Variants in ASPHD2 observed in about 807,000 individuals in gnomAD.
ASPHD2 encodes aspartate beta-hydroxylase domain containing 2, also known as aspartate beta-hydroxylase domain-containing protein 2.
A neutral mutation model predicts 34.6 loss-of-function variants in ASPHD2; 12 were observed. The ratio of observed to expected loss-of-function variants is 0.35; its 90% CI spans 0.22 to 0.56. The LOEUF is 0.56. Ranked by LOEUF, ASPHD2 falls within the 20% of genes least tolerant of loss-of-function variation. The probability of loss-of-function intolerance (pLI) is 0.87; values close to 1 mark genes in which losing one functional copy is unlikely to be tolerated. For synonymous variants in ASPHD2, 224 were observed against 212.2 expected (o/e 1.06, Z -0.48); for missense variants, 375 against 505.0 (o/e 0.74, Z 2.47).
chr22:26,438,582 C>CACATACATAT (rs2084813093), intron 2 of ASPHD2, among the ~76,000 whole-genome samples: 1 of 137,752 alleles, frequency 7.3e-6, no homozygotes, highest in South Asian at 2.4e-4. Flanking sequence ...CATATATATA[C>CACATACATAT]ATACATATAT....
chr22:26,430,612 C>T (rs1433484017), intron 1 of ASPHD2, among the ~76,000 whole-genome samples: 5 of 152,218 alleles, frequency 3.3e-5, no homozygotes, highest in African/African-American at 1.2e-4. Context: ...CACTAGGTAG[C>T]TGTGAGGATC....
rs768237466 is a variant in ASPHD2, at chr22:26,433,596, T to TC, written c.-13dup. The TC allele has an allele frequency of 2.1e-5, 33 of 1,592,874 alleles. No individual in the cohort carries two copies. The highest frequency in any genetic ancestry group is 1.8e-5 in the Admixed American group (1 of 55,490). On this transcript the variant is annotated 5_prime_UTR_variant, in exon 2 of 4. The change creates a premature stop within an existing upstream ORF in the 5' untranslated region. Transcript: ENST00000215906. This position sits in a 1 kb window ranked among gnomAD's most constrained non-coding sequence, Gnocchi z 5.1. ...GCCTCCCCCTGCCCCAGCCGCTCCT[T>TC]CCCCCCCACGCTAATCTGCATGGTG...
rs2084769478 is a variant in ASPHD2, at chr22:26,433,534, C to G, written c.-82C>G. The G allele has an allele frequency of 9.4e-7, 1 of 1,062,368 alleles. No individual in the cohort carries two copies. The highest frequency in any genetic ancestry group is 1.4e-6 in the Non-Finnish European group (1 of 724,644). 65.8% of individuals were successfully genotyped at this position (1,062,368 alleles called of 1,614,324 possible). On this transcript the variant is annotated 5_prime_UTR_variant, in exon 2 of 4. Coordinates refer to ENST00000215906, the MANE Select transcript of ASPHD2 (RefSeq NM_020437.5). This position sits in a 1 kb window ranked among gnomAD's most constrained non-coding sequence, Gnocchi z 5.1. ...CGGCCAACCTTGTCGTTCATCAATG[C>G]CGCCCCTGGCAGTATCTGAGGATCG...
Position 26,433,353 on chromosome 22 carries a change from A to T in ASPHD2, c.-224-39A>T. 1 of 516,126 alleles carries T rather than the reference A, an allele frequency of 1.9e-6. No individual in the cohort carries two copies. The highest frequency in any genetic ancestry group is 3.4e-6 in the Non-Finnish European group (1 of 293,824). 32.0% of individuals were successfully genotyped at this position (516,126 alleles called of 1,614,324 possible). ...TTACATTTCAGTTGAGGACTTTTCC[A>T]GGTGTAAAATTTATGCTGATTTTTT... On this transcript the variant is annotated intron_variant, in intron 1 of 3. Transcript: ENST00000215906. This position sits in a 1 kb window ranked among gnomAD's most constrained non-coding sequence, Gnocchi z 5.1.
At position 26,443,242 on chromosome 22, in the gene ASPHD2, G is replaced by A. The variant is rs577698732; in HGVS notation, c.*36G>A. 4.8e-5 allele frequency: 75 copies of A among 1,565,444 alleles called. 1 individual carries two copies. The South Asian group carries it at 7.8e-4, about 16-fold the overall frequency. On this transcript the variant is annotated 3_prime_UTR_variant, in exon 4 of 4. Coordinates refer to ENST00000215906, the MANE Select transcript of ASPHD2 (RefSeq NM_020437.5). Reference sequence around the variant, plus strand: ...CATGCTGGAGTCGGCGAGAAGGGCCGAGGCGGGGCCTGGGCAGACTGTGGT... The same window carrying A: ...CATGCTGGAGTCGGCGAGAAGGGCCAAGGCGGGGCCTGGGCAGACTGTGGT...
chr22:26,442,529 C>A lies in ASPHD2; in HGVS notation c.957C>A (p.Cys319Ter). The A allele has an allele frequency of 1.2e-6, 2 of 1,611,680 alleles. No individual in the cohort carries two copies. Among genetic ancestry groups the A allele is most frequent in the Non-Finnish European group, 1.7e-6 (2 of 1,178,860 alleles). Residue 319 changes from cysteine (C) to a stop codon, truncating the protein, a stop_gained, in exon 3 of 4, where the codon TGC becomes TGA. Transcript: ENST00000215906. LOFTEE classifies it high-confidence loss of function. ...CCCAGTGCTGGGCAGAAGGGCGCTG[C>A]CTTCTCTTTGATGACTCTTTCCTGC... The part of the protein sequence containing the change: ...GEPQCWAEGR[C>*]LLFDDSFLHA...
In ASPHD2 at chr22:26,433,475, C is replaced by T; in HGVS notation, c.-141C>T. On this transcript the variant is annotated 5_prime_UTR_variant, in exon 2 of 4. Transcript: ENST00000215906. The surrounding 1 kb of genome is among the most constrained non-coding windows in gnomAD (Gnocchi z 5.1). ...AAAACCAGCCTCTTCCACCCCACTG[C>T]AGTGACTTTTGCCGGAAAGTGGAGC... The T allele has an allele frequency of 1.5e-6, 1 of 646,892 alleles. No individual in the cohort carries two copies. The highest frequency in any genetic ancestry group is 1.8e-5 in the African/African-American group (1 of 54,750). The allele number at this position is 646,892 out of a possible 1,614,324, so 40.1% of individuals were successfully genotyped here.
In ASPHD2 at chr22:26,443,083, TC is replaced by T. The variant is rs769413595; in HGVS notation, c.1001-12del. 3.9e-5 allele frequency: 62 copies of T among 1,606,392 alleles called. No individual in the cohort carries two copies. Among genetic ancestry groups the T allele is most frequent in the Non-Finnish European group, 5.1e-5 (60 of 1,173,076 alleles). On this transcript the variant is annotated splice_polypyrimidine_tract_variant and intron_variant, in intron 3 of 3. Transcript: ENST00000215906. ...TGGTTTGAACCTGTCCTCTCACCCC[TC>T]CTTCCCCCCCAGGTTCAGCAGAGGA... is the stretch of plus-strand genomic sequence containing the variant.
chr22:26,440,921 G>A (rs1218372807), intron 2 of ASPHD2, among the ~76,000 whole-genome samples: 2 of 152,230 alleles, frequency 1.3e-5, no homozygotes, highest in Admixed American at 6.5e-5. Context: ...GGGTCCCCTG[G>A]TTAGGCTTCA....
intron 2 of ASPHD2, among the ~76,000 whole-genome samples, chr22:26,437,041 C>T (rs982039995): frequency 6.6e-6 from 1 of 152,170 alleles, no homozygotes; most frequent in Non-Finnish European, 1.5e-5. Flanking sequence ...AGGCGAGCTC[C>T]CTGGTTGGGT....
chr22:26,438,514 T>TACATATATACACAA (rs1407889262), intron 2 of ASPHD2, among the ~76,000 whole-genome samples: 1 of 127,312 alleles, frequency 7.9e-6, no homozygotes, highest in Admixed American at 7.7e-5. Context: ...TATATATACA[T>TACATATATACACAA]ACATATATAT....
rs142309739 is a variant in ASPHD2, at chr22:26,443,092, C to G, written c.1001-5C>G. On this transcript the variant is annotated splice_region_variant and splice_polypyrimidine_tract_variant and intron_variant, in intron 3 of 3. Coordinates refer to ENST00000215906, the MANE Select transcript of ASPHD2 (RefSeq NM_020437.5). ...CCTGTCCTCTCACCCCTCCTTCCCCCCCAGGTTCAGCAGAGGATGGCCCAC... is the reference window on the plus strand; with the variant it reads ...CCTGTCCTCTCACCCCTCCTTCCCCGCCAGGTTCAGCAGAGGATGGCCCAC... The G allele has an allele frequency of 3.5e-3, 5,607 of 1,611,820 alleles. 85 individuals carry two copies. Among genetic ancestry groups the G allele is most frequent in the South Asian group, 0.03 (2,718 of 91,038 alleles).
chr22:26,434,515 A>G lies in ASPHD2; in HGVS notation c.886+14A>G. The G allele has an allele frequency of 6.4e-7, 1 of 1,554,900 alleles. No homozygotes were observed. The highest frequency in any genetic ancestry group is 8.7e-7 in the Non-Finnish European group (1 of 1,148,202). On this transcript the variant is annotated intron_variant, in intron 2 of 3. Coordinates refer to ENST00000215906, the MANE Select transcript of ASPHD2 (RefSeq NM_020437.5). ...GATGCCATTTAGGTATGTTGCAAGGACAGGGGTCTCCCGGCATGCACATTT... is the reference window on the plus strand; with the variant it reads ...GATGCCATTTAGGTATGTTGCAAGGGCAGGGGTCTCCCGGCATGCACATTT...
intron 2 of ASPHD2, among the ~76,000 whole-genome samples, chr22:26,440,245 C>T (rs1178544981): frequency 6.6e-6 from 1 of 151,770 alleles, no homozygotes; most frequent in African/African-American, 2.4e-5. Context: ...GAGGGTCACA[C>T]ATGGCAGTGT....
At chr22:26,431,428 A>C (rs1018120169) in intron 1 of ASPHD2, among the ~76,000 whole-genome samples, 14 of 151,972 alleles carry the variant, frequency 9.2e-5, no homozygotes, top group Non-Finnish European at 1.8e-4. Flanking sequence ...AAAAAAAAAA[A>C]AAAACAAAAG....
In ASPHD2 at chr22:26,443,090, C is replaced by T. The variant is rs752737178; in HGVS notation, c.1001-7C>T. On this transcript the variant is annotated splice_region_variant and splice_polypyrimidine_tract_variant and intron_variant, in intron 3 of 3. Transcript: ENST00000215906. ...AACCTGTCCTCTCACCCCTCCTTCC[C>T]CCCCAGGTTCAGCAGAGGATGGCCC... 6.8e-6 allele frequency: 11 copies of T among 1,610,490 alleles called. No individual in the cohort carries two copies. Among genetic ancestry groups the T allele is most frequent in the Non-Finnish European group, 9.3e-6 (11 of 1,176,800 alleles).
In ASPHD2 at chr22:26,429,970, TCCC is replaced by T. The variant is rs2084746802; in HGVS notation, c.-225+485_-225+487del. 2.0e-5 allele frequency among the ~76,000 whole-genome samples: 3 copies of T among 151,932 alleles called. No individual in the cohort carries two copies. Among genetic ancestry groups the T allele is most frequent in the Non-Finnish European group, 4.4e-5 (3 of 67,946 alleles). ...CCGGGCAACACTCACCTTTCCATCG[TCCC>T]ATCCCCCTCCTCCCCTGACCTCCTG... On this transcript the variant is annotated intron_variant, in intron 1 of 3. Coordinates refer to ENST00000215906, the MANE Select transcript of ASPHD2 (RefSeq NM_020437.5). This position sits in a 1 kb window ranked among gnomAD's most constrained non-coding sequence, Gnocchi z 4.5.
At position 26,439,398 on chromosome 22, in the gene ASPHD2, C is replaced by CA. The variant is rs201318238; in HGVS notation, c.887-3053dup. Among the ~76,000 whole-genome samples the CA allele has an allele frequency of 5.8e-3, 878 of 151,538 alleles. 10 individuals are homozygous for CA. Among genetic ancestry groups the CA allele is most frequent in the African/African-American group, 0.02 (817 of 41,302 alleles). On this transcript the variant is annotated intron_variant, in intron 2 of 3. Transcript: ENST00000215906. The stretch of plus-strand genomic sequence containing the variant: ...TGGGCGACAGAGCACGATTCTGTCT[C>CA]AAAAAAAATAATAATAAATAAAGAA...
rs1442198456 is a variant in ASPHD2 at position 26,444,334 on chromosome 22, C to T, written c.*1128C>T. On this transcript the variant is annotated 3_prime_UTR_variant, in exon 4 of 4. Transcript: ENST00000215906. Reference sequence around the variant, plus strand: ...CTTTGTCATGGCACAAAGGTGTGCACTGCGTGACAATGACCCAAGCCAGTG... The same window carrying T: ...CTTTGTCATGGCACAAAGGTGTGCATTGCGTGACAATGACCCAAGCCAGTG... 1 of 151,924 alleles carries T rather than the reference C, an allele frequency of 6.6e-6. No individual in the cohort carries two copies. Among genetic ancestry groups the T allele is most frequent in the Admixed American group, 6.6e-5 (1 of 15,254 alleles). The allele number at this position is 151,924 out of a possible 1,614,324, so 9.4% of individuals were successfully genotyped here.
Sources: gnomAD v4.1 joint callset for allele counts (sites outside exome capture counted in the v4.1 genomes callset) on GRCh38, gnomAD v4.1.1 for gene constraint, Gnocchi (gnomAD v3.1) non-coding constraint, MANE v1.5 for transcripts, NCBI Gene and HGNC (gene_info 2026-07-23, HGNC 2026-07-21) for gene names.